Variants in EIF3M observed in about 807,000 individuals in gnomAD.
EIF3M encodes B5 receptor.
In EIF3M, 25 loss-of-function variants were observed where a neutral mutation model predicts 49.7. The observed-to-expected ratio is 0.50, with a 90% CI of 0.37 to 0.70. The LOEUF is 0.70. Ranked by LOEUF, EIF3M falls within the 30% of genes least tolerant of loss-of-function variation. The probability of loss-of-function intolerance (pLI) is 0.00; values close to 1 mark genes in which losing one functional copy is unlikely to be tolerated. For missense variants in EIF3M, 350 were observed against 440.0 expected (o/e 0.80, Z 1.83); for synonymous variants, 156 against 149.8 (o/e 1.04, Z -0.30).
At chr11:32,593,510 C>T (rs1433603994) in intron 5 of EIF3M, among the ~76,000 whole-genome samples, 1 of 152,192 alleles carries the variant, frequency 6.6e-6, no homozygotes, top group Non-Finnish European at 1.5e-5. Context: ...ATGAACCCAG[C>T]TCTTTTCATG....
At chr11:32,590,596 T>C (rs1204661988) in intron 5 of EIF3M, among the ~76,000 whole-genome samples, 2 of 152,184 alleles carry the variant, frequency 1.3e-5, no homozygotes, top group Non-Finnish European at 2.9e-5. Flanking sequence ...ATAGCACTTA[T>C]TGGGCACTGA....
At position 32,596,055 on chromosome 11, in the gene EIF3M, T is replaced by G; in HGVS notation, c.799+8T>G. On this transcript the variant is annotated splice_region_variant and intron_variant, in intron 8 of 10. Coordinates refer to ENST00000531120, the MANE Select transcript of EIF3M (RefSeq NM_006360.6). ...ACTTCATTGATTCACTTGGTAAGTT[T>G]TGGGGTTTATTCTTTGAGGCACAGA... 2 of 1,544,368 alleles carry G rather than the reference T, an allele frequency of 1.3e-6. No homozygotes were observed. The highest frequency in any genetic ancestry group is 1.7e-4 in the Middle Eastern group (1 of 5,728).
At chr11:32,591,397 A>T (rs947586190) in intron 5 of EIF3M, among the ~76,000 whole-genome samples, 2 of 152,282 alleles carry the variant, frequency 1.3e-5, no homozygotes, top group African/African-American at 2.4e-5. Context: ...TTTTAATTTT[A>T]ATTTTTATTG....
At chr11:32,601,640 T>TGTA (rs1189584241) in intron 9 of EIF3M, 122 bp from the exon 10 acceptor site, 1 of 843,462 alleles carries the variant, frequency 1.2e-6, no homozygotes, top group Non-Finnish European at 1.9e-6. Context: ...ATTTAAACAG[T>TGTA]GTATAATGTT....
At chr11:32,584,068 G>C in intron 1 of EIF3M, 139 bp downstream of exon 1, 1 of 1,169,916 alleles carries the variant, frequency 8.5e-7, no homozygotes. Flanking sequence ...GAGGCCGGTG[G>C]CTGGGGCGCG....
intron 8 of EIF3M, among the ~76,000 whole-genome samples, chr11:32,597,073 C>T (rs1415242449): frequency 2.6e-5 from 4 of 152,072 alleles, no homozygotes. Context: ...TCCATTGGTA[C>T]ATTTGTTTTT....
At chr11:32,601,394 C>T (rs921192463) in intron 9 of EIF3M, 1 of 167,258 alleles carries the variant, frequency 6.0e-6, no homozygotes, top group Non-Finnish European at 1.3e-5. Context: ...AACTATTGAC[C>T]TTTTTTCCCC....
chr11:32,600,190 A>C (rs1855239356), intron 8 of EIF3M, among the ~76,000 whole-genome samples: 1 of 151,926 alleles, frequency 6.6e-6, no homozygotes. Context: ...TTCATAACTG[A>C]AAATGTTTGT....
rs1477265557 is a variant in EIF3M at position 32,605,230 on chromosome 11, T to C, written c.*2831T>C. The C allele has an allele frequency of 6.6e-6, 1 of 151,462 alleles. No individual in the cohort carries two copies. The highest frequency in any genetic ancestry group is 2.4e-5 in the African/African-American group (1 of 41,104). 9.4% of individuals were successfully genotyped at this position (151,462 alleles called of 1,614,324 possible). On this transcript the variant is annotated 3_prime_UTR_variant, in exon 11 of 11. Transcript: ENST00000531120. The stretch of plus-strand genomic sequence containing the variant: ...TAAGTTCACGGCTCCCTAAGGAGTG[T>C]TCCTTTTGGATTGCTCTGTTTGGCT...
chr11:32,605,524 A>C lies in EIF3M; in HGVS notation c.*3125A>C, dbSNP rs1299529850. The C allele has an allele frequency of 2.6e-5, 4 of 152,186 alleles. No homozygotes were observed. Among genetic ancestry groups the C allele is most frequent in the Non-Finnish European group, 5.9e-5 (4 of 68,032 alleles). 9.4% of individuals were successfully genotyped at this position (152,186 alleles called of 1,614,324 possible). On this transcript the variant is annotated 3_prime_UTR_variant, in exon 11 of 11. Coordinates refer to ENST00000531120, the MANE Select transcript of EIF3M (RefSeq NM_006360.6). ...ATAAATATTTCCTATTTTGCCATCA[A>C]AGTGCTGGGTTCATTTTGGTGTATT...
At position 32,606,029 on chromosome 11, in the gene EIF3M, GTGGCTTGCT is replaced by G. The variant is rs1855347140; in HGVS notation, c.*3632_*3640del. On this transcript the variant is annotated 3_prime_UTR_variant, in exon 11 of 11. Transcript: ENST00000531120. ...ATTGGATATATAAAAAAAAAAGTAA[GTGGCTTGCT>G]TTGCTTACTCTGGTTTTCCATCCTC... 1 of 151,448 alleles carries G rather than the reference GTGGCTTGCT, an allele frequency of 6.6e-6. No individual in the cohort carries two copies. Among genetic ancestry groups the G allele is most frequent in the Non-Finnish European group, 1.5e-5 (1 of 67,948 alleles). 9.4% of individuals were successfully genotyped at this position (151,448 alleles called of 1,614,324 possible).
In EIF3M at chr11:32,601,752, CTTT is replaced by C. The variant is rs775847565; in HGVS notation, c.944-6_944-4del. The C allele has an allele frequency of 3.0e-5, 48 of 1,609,336 alleles. No homozygotes were observed. The African/African-American group carries it at 6.1e-4, about 21-fold the overall frequency. Reference sequence around the variant, plus strand: ...CCATATAACATACGATATAAAACATCTTTTTTCAGCCGTAAGAACTAAAATGGT... The same window carrying C: ...CCATATAACATACGATATAAAACATCTTTCAGCCGTAAGAACTAAAATGGT... On this transcript the variant is annotated splice_region_variant and splice_polypyrimidine_tract_variant and intron_variant, in intron 9 of 10. Coordinates refer to ENST00000531120, the MANE Select transcript of EIF3M (RefSeq NM_006360.6).
chr11:32,602,395 C>A lies in EIF3M; in HGVS notation c.1121C>A (p.Thr374Asn), dbSNP rs2133206141. 1.2e-6 allele frequency: 2 copies of A among 1,608,886 alleles called. No individual in the cohort carries two copies. The highest frequency in any genetic ancestry group is 1.7e-6 in the Non-Finnish European group (2 of 1,177,358). Residue 374 changes from threonine (T) to asparagine (N), a missense_variant, in exon 11 of 11, where the codon ACC becomes AAC. Thr to Asn is a moderately conservative substitution (Grantham distance 65). Transcript: ENST00000531120. Reference protein sequence around the residue: ...VKNSLLSLSDT With the variant: ...VKNSLLSLSDN Reference sequence around the variant, plus strand: ...AACAGCCTTTTGAGTCTTTCTGATACCTGAGTTTTTATGCTTATAATTTTT... The same window carrying A: ...AACAGCCTTTTGAGTCTTTCTGATAACTGAGTTTTTATGCTTATAATTTTT...
chr11:32,588,206 T>C (rs1190657035), intron 2 of EIF3M, among the ~76,000 whole-genome samples: 1 of 151,940 alleles, frequency 6.6e-6, no homozygotes, highest in East Asian at 1.9e-4. Flanking sequence ...CTGGCCAATA[T>C]GGTGAAACCC....
Position 32,587,103 on chromosome 11 carries a change from T to C in EIF3M, c.134T>C (p.Ile45Thr), listed in dbSNP as rs372926805. 8 of 1,612,786 alleles carry C rather than the reference T, an allele frequency of 5.0e-6. 1 individual carries two copies. The highest frequency in any genetic ancestry group is 1.6e-4 in the Middle Eastern group (1 of 6,076). ...GGACTTCATGTTGATTTAGCTCAAATTATTGAAGCCTGTGATGTGTGTCTG... is the reference window on the plus strand; with the variant it reads ...GGACTTCATGTTGATTTAGCTCAAACTATTGAAGCCTGTGATGTGTGTCTG... ...EGGLHVDLAQ[I>T]IEACDVCLKE... Residue 45 changes from isoleucine (I) to threonine (T), a missense_variant, in exon 2 of 11, where the codon ATT (isoleucine) becomes ACT (threonine). Coordinates refer to ENST00000531120, the MANE Select transcript of EIF3M (RefSeq NM_006360.6).
At chr11:32,596,920 A>G (rs1423017683) in intron 8 of EIF3M, among the ~76,000 whole-genome samples, 2 of 152,076 alleles carry the variant, frequency 1.3e-5, no homozygotes, top group African/African-American at 2.4e-5. Context: ...ACAAAAAAAA[A>G]AGAGAGAGAA....
Position 32,602,874 on chromosome 11 carries a change from A to G in EIF3M, c.*475A>G. The G allele has an allele frequency of 6.2e-7, 1 of 1,611,488 alleles. No homozygotes were observed. On this transcript the variant is annotated 3_prime_UTR_variant, in exon 11 of 11. Coordinates refer to ENST00000531120, the MANE Select transcript of EIF3M (RefSeq NM_006360.6). ...CTTTTCTTTTCTTTGGCTGGTTGTC[A>G]TTTTCTAAACTTAGTAAATTTTCAC...
chr11:32,587,200 G>A, intron 2 of EIF3M, 56 bp downstream of exon 2: 1 of 1,495,506 alleles, frequency 6.7e-7, no homozygotes. Flanking sequence ...AATTTTTCTT[G>A]TGAATTATAG....
At chr11:32,585,071 G>C (rs1036838061) in intron 1 of EIF3M, among the ~76,000 whole-genome samples, 1 of 152,134 alleles carries the variant, frequency 6.6e-6, no homozygotes, top group African/African-American at 2.4e-5. Flanking sequence ...ACAGAATTGC[G>C]GGAGTGAGTT....
Sources: allele counts gnomAD v4.1 joint callset (sites outside exome capture counted in the v4.1 genomes callset), GRCh38; gene constraint gnomAD v4.1.1; transcripts MANE v1.5; gene names NCBI Gene and HGNC (gene_info 2026-07-23, HGNC 2026-07-21).